The following NPRL3 variants were observed in gnomAD, a reference collection of about 807,000 sequenced individuals.
The protein encoded by NPRL3 is GATOR1 complex protein NPRL3.
A neutral mutation model predicts 57.2 loss-of-function variants in NPRL3; 23 were observed. The ratio of observed to expected loss-of-function variants is 0.40; its 90% CI spans 0.29 to 0.57. NPRL3 has a LOEUF of 0.57. Among genes scored for constraint, NPRL3 ranks in the 20% least tolerant of loss-of-function variants. The pLI, the probability that NPRL3 is intolerant of heterozygous loss-of-function variation, is 0.42. For synonymous variants in NPRL3, 333 were observed against 321.1 expected, an observed-to-expected ratio of 1.04 and a Z score of -0.39; for missense variants, 691 against 767.1, an observed-to-expected ratio of 0.90 and a Z score of 1.17.
In NPRL3 at chr16:98,261, A is replaced by G; in HGVS notation, c.808T>C (p.Leu270=). The change falls in exon 9 of 14, where the codon TTG becomes CTG. Residue 270 remains leucine, a synonymous_variant. Coordinates refer to ENST00000611875, the MANE Select transcript of NPRL3 (RefSeq NM_001077350.3). ...ALLLLSDEKS[L]LGELPIDCSP... is the part of the protein sequence containing the mutation. ...CAGTCAATAGGAAGCTCACCCAGCA[A>G]GGACTTCTCATCACTGAGCAGCAGC... 1 of 1,614,000 alleles carries G rather than the reference A, an allele frequency of 6.2e-7. No individual in the cohort carries two copies. Among genetic ancestry groups the G allele is most frequent in the Non-Finnish European group, 8.5e-7 (1 of 1,179,874 alleles).
intron 9 of NPRL3, among the ~76,000 whole-genome samples, chr16:97,589 A>G (rs1899073988): frequency 6.6e-6 from 1 of 151,840 alleles, no homozygotes; most frequent in Non-Finnish European, 1.5e-5. Context: ...CCCTCCATCT[A>G]ATCAGAAAGG....
chr16:112,933 T>A (rs1204426188), intron 5 of NPRL3, among the ~76,000 whole-genome samples, 158 bp from the exon 6 acceptor site: 1 of 152,216 alleles, frequency 6.6e-6, no homozygotes, highest in Non-Finnish European at 1.5e-5. Context: ...AGGCCACTGC[T>A]GCTCATTTCC....
intron 5 of NPRL3, among the ~76,000 whole-genome samples, chr16:116,564 G>A (rs1428470725): frequency 3.9e-5 from 6 of 152,266 alleles, no homozygotes; most frequent in Admixed American, 3.9e-4. Context: ...GCTCACACCT[G>A]GAATCCCAGC....
At chr16:132,664 ATTTCTTTT>A (rs71391113) in intron 2 of NPRL3, among the ~76,000 whole-genome samples, 9,437 of 143,338 alleles carry the variant, frequency 0.066, 446 homozygotes, top group African/African-American at 0.15. Context: ...TACAAATTGT[ATTTCTTTT>A]TTTTTTTTTT....
intron 3 of NPRL3, chr16:126,141 C>G (rs955763793): frequency 5.9e-5 from 9 of 151,940 alleles, no homozygotes; most frequent in African/African-American, 2.2e-4. Flanking sequence ...CATTGGGAGG[C>G]CAAGGTGGGA....
chr16:88,887 C>T lies in NPRL3; in HGVS notation c.1355G>A (p.Ser452Asn). The T allele has an allele frequency of 6.2e-7, 1 of 1,609,306 alleles. No homozygotes were observed. The highest frequency in any genetic ancestry group is 8.5e-7 in the Non-Finnish European group (1 of 1,176,062). ...PNALSFGSPT[S>N]SDDMTLTSPS... ...GCTGGTGAGGGTCATGTCATCGCTG[C>T]TGGCTGTGGGGGACATGGGTCAGGG... The change falls in exon 13 of 14, where the codon AGC becomes AAC. Residue 452 changes from serine (S) to asparagine (N), a missense_variant. Transcript: ENST00000611875.
intron 5 of NPRL3, among the ~76,000 whole-genome samples, chr16:116,931 C>T (rs1303852273): frequency 5.9e-5 from 9 of 151,328 alleles, no homozygotes; most frequent in Admixed American, 3.3e-4. Flanking sequence ...GCCAAGATTG[C>T]GCTACTACAC....
chr16:99,959 C>CAAAAAAAAAAAAA (rs11304941), intron 8 of NPRL3, among the ~76,000 whole-genome samples: 1 of 61,020 alleles, frequency 1.6e-5, no homozygotes, highest in Non-Finnish European at 3.3e-5. Flanking sequence ...CACACCCCCG[C>CAAAAAAAAAAAAA]AAAAAAAAAA....
chr16:116,798 C>A (rs544721594), intron 5 of NPRL3, among the ~76,000 whole-genome samples: 6 of 142,000 alleles, frequency 4.2e-5, no homozygotes, highest in East Asian at 2.1e-4. Context: ...CCCCCCCCCC[C>A]CACCGATCTC....
At chr16:92,762 C>A in intron 10 of NPRL3, 37 bp from the exon 11 acceptor site, 2 of 1,606,438 alleles carry the variant, frequency 1.2e-6, no homozygotes, top group Non-Finnish European at 8.5e-7. Context: ...GTGCAGCAGA[C>A]CCCCCCACCG....
chr16:86,629 A>G lies in NPRL3; in HGVS notation c.*76T>C. The G allele has an allele frequency of 7.0e-7, 1 of 1,427,672 alleles. No individual in the cohort carries two copies. The highest frequency in any genetic ancestry group is 1.3e-5 in the South Asian group (1 of 76,534). The allele number at this position is 1,427,672 out of a possible 1,614,324, so 88.4% of individuals were successfully genotyped here. ...AGGGCCAAGAGGGCTCAGCCTCAGC[A>G]CGGGGGGAGCCCTGGGGTGGGGAGA... On this transcript the variant is annotated 3_prime_UTR_variant, in exon 14 of 14. Transcript: ENST00000611875.
At chr16:132,538 G>C (rs1447356020) in intron 2 of NPRL3, among the ~76,000 whole-genome samples, 5 of 152,144 alleles carry the variant, frequency 3.3e-5, no homozygotes, top group Non-Finnish European at 5.9e-5. Flanking sequence ...TTGATATTTT[G>C]ACATGATCAC....
chr16:93,033 A>C, intron 10 of NPRL3, 186 bp downstream of exon 10: 1 of 625,684 alleles, frequency 1.6e-6, no homozygotes, highest in Admixed American at 2.6e-5. Context: ...CACAGAGCAC[A>C]GAGCCAGACC....
intron 10 of NPRL3, 50 bp from the exon 11 acceptor site, chr16:92,775 T>C (rs1436387864): frequency 6.2e-7 from 1 of 1,603,518 alleles, no homozygotes; most frequent in South Asian, 1.1e-5. Flanking sequence ...CCCCACCGTG[T>C]TCTCAACACT....
intron 13 of NPRL3, among the ~76,000 whole-genome samples, chr16:87,663 G>A (rs551516676): frequency 6.6e-5 from 10 of 151,656 alleles, no homozygotes; most frequent in African/African-American, 2.4e-4. Flanking sequence ...TCCGCCTCCC[G>A]CCTTCAGGCC....
At chr16:116,054 C>T (rs1175131862) in intron 5 of NPRL3, among the ~76,000 whole-genome samples, 2 of 152,204 alleles carry the variant, frequency 1.3e-5, no homozygotes, top group African/African-American at 4.8e-5. Context: ...AACAGTGGGA[C>T]TGCTAGATCT....
At chr16:115,756 T>G (rs216095) in intron 5 of NPRL3, among the ~76,000 whole-genome samples, 135,064 of 152,278 alleles carry the variant, frequency 0.89, 60,030 homozygotes, top group African/African-American at 0.93. Context: ...AAAGTGCTGG[T>G]ATTACAGGCG....
chr16:113,676 A>G (rs1190455907), intron 5 of NPRL3, among the ~76,000 whole-genome samples: 1 of 152,178 alleles, frequency 6.6e-6, no homozygotes, highest in Non-Finnish European at 1.5e-5. Flanking sequence ...GTGGGGGTGG[A>G]GGTGGGACAA....
At chr16:100,694 G>A (rs1271763309) in intron 7 of NPRL3, among the ~76,000 whole-genome samples, 185 bp from the exon 8 acceptor site, 2 of 128,168 alleles carry the variant, frequency 1.6e-5, no homozygotes, top group African/African-American at 5.2e-5. Context: ...TGGGGGCCGG[G>A]CACGGTGGCT....
Sources: gnomAD v4.1 joint callset for allele counts (sites outside exome capture counted in the v4.1 genomes callset) on GRCh38, gnomAD v4.1.1 for gene constraint, MANE v1.5 for transcripts, NCBI Gene and HGNC (gene_info 2026-07-23, HGNC 2026-07-21) for gene names.